HERC1: variants seen among roughly 807,000 people sequenced by gnomAD.
The protein encoded by HERC1 is probable E3 ubiquitin-protein ligase HERC1.
Under a neutral mutation model 554.3 loss-of-function variants are expected in HERC1, and 160 were observed. That is an observed-to-expected ratio of 0.29 (90% CI 0.25 to 0.33). The LOEUF (loss-of-function observed/expected upper bound fraction) is 0.33. Among genes scored for constraint, HERC1 ranks in the 10% least tolerant of loss-of-function variants. The pLI is 1.00. For missense variants in HERC1, 4,919 were observed against 5,918.5 expected (o/e 0.83, Z 5.54); for synonymous variants, 2,175 against 2,131.7 (o/e 1.02, Z -0.56).
At chr15:63,766,472 T>C (rs2075781525) in intron 2 of HERC1, among the ~76,000 whole-genome samples, 1 of 152,046 alleles carries the variant, frequency 6.6e-6, no homozygotes, top group African/African-American at 2.4e-5. Flanking sequence ...CCTGTAATCC[T>C]AGATACTTGA....
intron 3 of HERC1, among the ~76,000 whole-genome samples, chr15:63,762,090 T>C (rs1466971346): frequency 3.3e-5 from 5 of 152,192 alleles, no homozygotes; most frequent in Admixed American, 2.0e-4. Context: ...TTCAGAAAAC[T>C]AGCTAGATGA....
At chr15:63,614,160 C>A (rs1265184308) in intron 76 of HERC1, among the ~76,000 whole-genome samples, 1 of 152,174 alleles carries the variant, frequency 6.6e-6, no homozygotes, top group African/African-American at 2.4e-5. Context: ...GAGAACAGAA[C>A]AAAGCCAGGG....
intron 68 of HERC1, among the ~76,000 whole-genome samples, chr15:63,631,241 G>A (rs1420686146): frequency 1.3e-5 from 2 of 152,162 alleles, no homozygotes; most frequent in African/African-American, 4.8e-5. Flanking sequence ...CAAACTTCTA[G>A]AGGGTGCCAG....
intron 1 of HERC1, among the ~76,000 whole-genome samples, chr15:63,805,254 G>A (rs1209058894): frequency 6.6e-6 from 1 of 152,084 alleles, no homozygotes; most frequent in Non-Finnish European, 1.5e-5. Flanking sequence ...AAAAAGGAAT[G>A]AACGACTGAT....
chr15:63,645,987 T>G (rs1335633159), intron 55 of HERC1, among the ~76,000 whole-genome samples: 2 of 152,172 alleles, frequency 1.3e-5, no homozygotes, highest in Non-Finnish European at 2.9e-5. Flanking sequence ...GCATTTGTAT[T>G]TATTAAGAGT....
intron 1 of HERC1, among the ~76,000 whole-genome samples, chr15:63,826,805 A>ATAT (rs1567168393): frequency 1.4e-5 from 1 of 73,602 alleles, no homozygotes; most frequent in Non-Finnish European, 2.7e-5. Flanking sequence ...AAAAAAAAAA[A>ATAT]AAAAAAAAAA....
chr15:63,628,533 G>C, intron 70 of HERC1, 144 bp downstream of exon 70: 2 of 831,848 alleles, frequency 2.4e-6, no homozygotes, highest in East Asian at 2.7e-5. Context: ...TCCAGTGCTA[G>C]TAGCACAAAG....
At chr15:63,770,168 C>T (rs982644615) in intron 2 of HERC1, among the ~76,000 whole-genome samples, 5 of 152,154 alleles carry the variant, frequency 3.3e-5, no homozygotes, top group Non-Finnish European at 7.3e-5. Flanking sequence ...CCCCACAACT[C>T]AATCGCTTTG....
intron 34 of HERC1, among the ~76,000 whole-genome samples, chr15:63,683,912 C>T (rs1226011336): frequency 6.6e-6 from 1 of 152,222 alleles, no homozygotes; most frequent in Non-Finnish European, 1.5e-5. Context: ...TAAAACCTGA[C>T]ACTGTGTGCT....
rs2075495524 is a variant in HERC1, at chr15:63,758,181, T to C, written c.1215A>G (p.Ala405=). 6.2e-7 allele frequency: 1 copy of C among 1,607,622 alleles called. No individual in the cohort carries two copies. The highest frequency in any genetic ancestry group is 8.5e-7 in the Non-Finnish European group (1 of 1,174,482). ...AGCTATTTAGAAAACTTACGGTCTG[T>C]GCATCAGAGAAACTAGGAGCCAGTT... The part of the protein sequence containing the change: ...QPKLAPSFSD[A]QTIEAGQYCT... Residue 405 remains alanine, a synonymous_variant, in exon 4 of 78, where the codon GCA becomes GCG. Coordinates refer to ENST00000443617, the MANE Select transcript of HERC1 (RefSeq NM_003922.4). This position sits in a 1 kb window ranked among gnomAD's most constrained non-coding sequence, Gnocchi z 4.0.
At chr15:63,716,908 A>T (rs2140332821) in intron 21 of HERC1, among the ~76,000 whole-genome samples, 1 of 152,340 alleles carries the variant, frequency 6.6e-6, no homozygotes, top group East Asian at 1.9e-4. Flanking sequence ...AATTTAAAAC[A>T]GTATTGGTTT....
rs1418039918 is a variant in HERC1, at chr15:63,686,264, AT to A, written c.6225+94del. ...AATAATAGAACATTTACATATCACG[AT>A]TTTTTTTCAGTCTTTCTACACATTT... is the stretch of plus-strand genomic sequence containing the variant. On this transcript the variant is annotated intron_variant, in intron 34 of 77. Coordinates refer to ENST00000443617, the MANE Select transcript of HERC1 (RefSeq NM_003922.4). 47 of 892,328 alleles carry A rather than the reference AT, an allele frequency of 5.3e-5. No homozygotes were observed. In the East Asian group the frequency reaches 5.5e-4, roughly 10 times the overall value. The allele number at this position is 892,328 out of a possible 1,614,324, so 55.3% of individuals were successfully genotyped here.
intron 12 of HERC1, among the ~76,000 whole-genome samples, chr15:63,735,111 G>A (rs1045061912): frequency 4.6e-5 from 7 of 152,124 alleles, no homozygotes; most frequent in Admixed American, 3.9e-4. Flanking sequence ...AAGGCTCTGC[G>A]CAAAGTGATT....
chr15:63,669,785 C>A, intron 39 of HERC1, 87 bp from the exon 40 acceptor site: 2 of 1,226,854 alleles, frequency 1.6e-6, no homozygotes, highest in Non-Finnish European at 2.3e-6. Flanking sequence ...GAATATGCAA[C>A]CTGGAAGACT....
rs1235297013 is a variant in HERC1, at chr15:63,680,030, C to T, written c.6549+47G>A. On this transcript the variant is annotated intron_variant, in intron 36 of 77. Transcript: ENST00000443617. This position sits in a 1 kb window ranked among gnomAD's most constrained non-coding sequence, Gnocchi z 5.8. ...TTTATAAACTCTATCTGATGCTAAA[C>T]AATAAAATAACAAATATTCTTAAAT... The T allele has an allele frequency of 7.5e-7, 1 of 1,329,618 alleles. No homozygotes were observed. The highest frequency in any genetic ancestry group is 2.3e-5 in the East Asian group (1 of 43,128). The allele number at this position is 1,329,618 out of a possible 1,614,324, so 82.4% of individuals were successfully genotyped here. A position where few individuals can be genotyped will look rare whatever the true frequency, so the allele number is the denominator to read the frequency against.
At chr15:63,739,195 C>CTTTTTTTTTTTTT (rs1205943240) in intron 12 of HERC1, among the ~76,000 whole-genome samples, 58 of 102,244 alleles carry the variant, frequency 5.7e-4, no homozygotes, top group African/African-American at 2.0e-3. Flanking sequence ...CACTAATATA[C>CTTTTTTTTTTTTT]TTTTTTTTTT....
rs527584840 is a variant in HERC1, at chr15:63,640,515, G to A, written c.11608-70C>T. ...AAATATTCTAAATTAACCTACCGTA[G>A]TCTGAAAGTCTGGAATCATATTTTT... is the stretch of plus-strand genomic sequence containing the variant. On this transcript the variant is annotated intron_variant, in intron 60 of 77. Coordinates refer to ENST00000443617, the MANE Select transcript of HERC1 (RefSeq NM_003922.4). The A allele has an allele frequency of 3.3e-5, 40 of 1,214,188 alleles. No individual in the cohort carries two copies. The African/African-American group carries it at 4.3e-4, about 13-fold the overall frequency. 75.2% of individuals were successfully genotyped at this position (1,214,188 alleles called of 1,614,324 possible). A position where few individuals can be genotyped will look rare whatever the true frequency, so the allele number is the denominator to read the frequency against.
intron 19 of HERC1, among the ~76,000 whole-genome samples, chr15:63,721,051 T>C (rs976380748): frequency 1.1e-4 from 17 of 152,126 alleles, no homozygotes; most frequent in African/African-American, 4.1e-4. Context: ...TTTTTTTAGT[T>C]CTCACTGCAA....
At chr15:63,788,860 G>T (rs1048434275) in intron 1 of HERC1, among the ~76,000 whole-genome samples, 2 of 136,688 alleles carry the variant, frequency 1.5e-5, no homozygotes, top group Non-Finnish European at 3.1e-5. Flanking sequence ...GGGTAACAGA[G>T]CAAGACTCCG....
Sources: allele counts gnomAD v4.1 joint callset (sites outside exome capture counted in the v4.1 genomes callset), GRCh38; gene constraint gnomAD v4.1.1; non-coding constraint Gnocchi (gnomAD v3.1); transcripts MANE v1.5; gene names NCBI Gene and HGNC (gene_info 2026-07-23, HGNC 2026-07-21).